SFMBT2: variants seen among roughly 807,000 people sequenced by gnomAD.
SFMBT2 encodes scm-like with four MBT domains protein 2.
A neutral mutation model predicts 110.1 loss-of-function variants in SFMBT2; 38 were observed. The observed-to-expected ratio is 0.35, with a 90% CI of 0.27 to 0.45. The LOEUF (loss-of-function observed/expected upper bound fraction) is 0.45, where lower values mean the gene tolerates loss of function less well. SFMBT2 is among the 20% of genes least tolerant of loss of function. The pLI is 1.00. For missense variants in SFMBT2, 1,011 were observed against 1,094.9 expected (o/e 0.92, Z 1.08); for synonymous variants, 425 against 425.4 (o/e 1.00, Z 0.01).
chr10:7,277,025 C>T, intron 6 of SFMBT2, 36 bp from the exon 7 acceptor site: 1 of 841,434 alleles, frequency 1.2e-6, no homozygotes. Context: ...AGTTGAAGGA[C>T]TAACACGTTC....
chr10:7,236,520 A>G (rs1588370564), intron 9 of SFMBT2, among the ~76,000 whole-genome samples: 1 of 152,374 alleles, frequency 6.6e-6, no homozygotes, highest in East Asian at 1.9e-4. Context: ...TGGTGGCATT[A>G]TAAATCAAAG....
intron 4 of SFMBT2, among the ~76,000 whole-genome samples, chr10:7,363,882 A>C: frequency 6.6e-6 from 1 of 152,160 alleles, no homozygotes; most frequent in African/African-American, 2.4e-5. Context: ...TCTCACCAAG[A>C]AGCCTCCCAA....
chr10:7,355,667 G>C (rs1335987055), intron 4 of SFMBT2, among the ~76,000 whole-genome samples: 1 of 152,144 alleles, frequency 6.6e-6, no homozygotes, highest in Non-Finnish European at 1.5e-5. Context: ...AAAAAAATTA[G>C]CTGGGCGTGG....
chr10:7,259,219 A>G (rs796543490), intron 7 of SFMBT2, among the ~76,000 whole-genome samples: 1 of 152,334 alleles, frequency 6.6e-6, no homozygotes, highest in African/African-American at 2.4e-5. Flanking sequence ...CCCTTCCCAG[A>G]CACCAACGTG....
Position 7,367,916 on chromosome 10 carries a change from C to T in SFMBT2, c.196-27G>A, listed in dbSNP as rs1240288922. 2.5e-6 allele frequency: 4 copies of T among 1,611,538 alleles called. No individual in the cohort carries two copies. Among genetic ancestry groups the T allele is most frequent in the Middle Eastern group, 1.7e-4 (1 of 5,900 alleles). ...TTAAGGAATCAGAAATAGAGAAAAC[C>T]CATTACTACACTAGACACAATACAT... On this transcript the variant is annotated intron_variant, in intron 3 of 20. Transcript: ENST00000397167. The surrounding 1 kb of genome is among the most constrained non-coding windows in gnomAD (Gnocchi z 6.2).
chr10:7,348,669 A>C (rs1328635567), intron 4 of SFMBT2, among the ~76,000 whole-genome samples: 2 of 152,238 alleles, frequency 1.3e-5, no homozygotes, highest in Non-Finnish European at 2.9e-5. Flanking sequence ...CTCATGTTGT[A>C]TAATCATTCT....
Position 7,220,354 on chromosome 10 carries a change from C to T in SFMBT2, c.1330+57G>A, listed in dbSNP as rs1588352320. 2.6e-6 allele frequency: 4 copies of T among 1,526,050 alleles called. No homozygotes were observed. The East Asian group carries it at 9.1e-5, about 35-fold the overall frequency. The allele number at this position is 1,526,050 out of a possible 1,614,324, so 94.5% of individuals were successfully genotyped here. On this transcript the variant is annotated intron_variant, in intron 11 of 20. Coordinates refer to ENST00000397167, the MANE Select transcript of SFMBT2 (RefSeq NM_001387889.1). ...AAGGGCTGCTTTCCTCCACACGTTG[C>T]CATTTCGACAAACTCTACATTCCCC...
At chr10:7,315,914 T>C (rs1217009648) in intron 4 of SFMBT2, among the ~76,000 whole-genome samples, 1 of 152,210 alleles carries the variant, frequency 6.6e-6, no homozygotes, top group Non-Finnish European at 1.5e-5. Context: ...TAATATTTGC[T>C]GTTATTAAGA....
In SFMBT2 at chr10:7,374,868, C is replaced by T. The variant is rs542639086; in HGVS notation, c.101-4493G>A. Among the ~76,000 whole-genome samples the T allele has an allele frequency of 6.0e-4, 91 of 152,320 alleles. No homozygotes were observed. The South Asian group carries it at 8.1e-3, about 14-fold the overall frequency. On this transcript the variant is annotated intron_variant, in intron 2 of 20. Transcript: ENST00000397167. ...GGTCACGTACAACCCTTCCCCAGGC[C>T]TATGTGCCCCAAGGAGCTGATTCTC...
chr10:7,283,121 C>T (rs1366875765), intron 6 of SFMBT2, among the ~76,000 whole-genome samples: 3 of 152,202 alleles, frequency 2.0e-5, no homozygotes, highest in Non-Finnish European at 4.4e-5. Context: ...TCACAACAAA[C>T]ATGCAGCATT....
intron 4 of SFMBT2, among the ~76,000 whole-genome samples, chr10:7,298,147 A>G (rs1255340523): frequency 6.6e-6 from 1 of 152,214 alleles, no homozygotes; most frequent in African/African-American, 2.4e-5. Context: ...TGGAATTCCA[A>G]GCAACTGGAG....
At position 7,301,699 on chromosome 10, in the gene SFMBT2, G is replaced by GT. The variant is rs1380790570; in HGVS notation, c.437-15746dup. Among the ~76,000 whole-genome samples, 1 of 152,266 alleles carries GT rather than the reference G, an allele frequency of 6.6e-6. No homozygotes were observed. The highest frequency in any genetic ancestry group is 2.1e-4 in the South Asian group (1 of 4,830). On this transcript the variant is annotated intron_variant, in intron 4 of 20. Coordinates refer to ENST00000397167, the MANE Select transcript of SFMBT2 (RefSeq NM_001387889.1). The surrounding 1 kb of genome is among the most constrained non-coding windows in gnomAD (Gnocchi z 4.2). ...TTACTATTCTGAAACGCAGAAACTG[G>GT]TATTTCTTGACATGGGCTCCCCAGA...
chr10:7,292,175 G>C (rs901239040), intron 4 of SFMBT2: 2 of 204,406 alleles, frequency 9.8e-6, no homozygotes, highest in African/African-American at 4.7e-5. Context: ...ACTCCTCCCA[G>C]CTCACAAGAG....
Position 7,234,409 on chromosome 10 carries a change from G to A in SFMBT2, c.1121-6472C>T, listed in dbSNP as rs866315183. ...TTCTGAATTATAAACACAATGTTACGGGACACAGGTATGTGCCCAGGATGG... is the reference window on the plus strand; with the variant it reads ...TTCTGAATTATAAACACAATGTTACAGGACACAGGTATGTGCCCAGGATGG... On this transcript the variant is annotated intron_variant, in intron 9 of 20. Transcript: ENST00000397167. Among the ~76,000 whole-genome samples the A allele has an allele frequency of 3.9e-5, 6 of 152,104 alleles. 1 individual carries two copies. The highest frequency in any genetic ancestry group is 4.2e-4 in the South Asian group (2 of 4,818).
At chr10:7,277,391 A>G (rs1841816346) in intron 6 of SFMBT2, 1 of 180,066 alleles carries the variant, frequency 5.6e-6, no homozygotes, top group South Asian at 2.1e-4. Context: ...CTAAACTACA[A>G]ACGACTCTAG....
intron 9 of SFMBT2, among the ~76,000 whole-genome samples, chr10:7,236,268 C>T (rs1840250801): frequency 6.6e-6 from 1 of 152,028 alleles, no homozygotes; most frequent in Non-Finnish European, 1.5e-5. Flanking sequence ...TGCCGAAATC[C>T]AATGGGACTC....
intron 4 of SFMBT2, among the ~76,000 whole-genome samples, chr10:7,297,064 A>G (rs996389020): frequency 1.3e-5 from 2 of 152,208 alleles, no homozygotes; most frequent in Non-Finnish European, 2.9e-5. Flanking sequence ...CACACATTCT[A>G]TTGGTTCTAC....
chr10:7,299,877 T>C (rs1259772617), intron 4 of SFMBT2, among the ~76,000 whole-genome samples: 1 of 152,156 alleles, frequency 6.6e-6, no homozygotes, highest in Non-Finnish European at 1.5e-5. Context: ...GTATTTACTA[T>C]AGCGAAGACA....
rs762936635 is a variant in SFMBT2, at chr10:7,276,893, T to G, written c.869A>C (p.Lys290Thr). 1.1e-6 allele frequency: 1 copy of G among 870,436 alleles called. No homozygotes were observed. Among genetic ancestry groups the G allele is most frequent in the South Asian group, 1.3e-5 (1 of 76,486 alleles). 53.9% of individuals were successfully genotyped at this position (870,436 alleles called of 1,614,324 possible). A position where few individuals can be genotyped will look rare whatever the true frequency, so the allele number is the denominator to read the frequency against. ...AKFPLPMEVF[K>T]DHADLRSHFF... ...CATTGCTAAGAATCAACATCTTACC[T>G]TAAACACTTCCATTGGAAGAGGAAA... The change falls in exon 7 of 21, where the codon AAG becomes ACG. Residue 290 changes from lysine (K) to threonine (T), a missense_variant and splice_region_variant. This residue lies in a region of SFMBT2 where 979 missense variants were observed against 1,016.1 expected (regional missense o/e 0.96). Coordinates refer to ENST00000397167, the MANE Select transcript of SFMBT2 (RefSeq NM_001387889.1).
Sources: allele counts gnomAD v4.1 joint callset (sites outside exome capture counted in the v4.1 genomes callset), GRCh38; gene constraint gnomAD v4.1.1; regional missense constraint gnomAD v4.1.1; non-coding constraint Gnocchi (gnomAD v3.1); transcripts MANE v1.5; gene names NCBI Gene and HGNC (gene_info 2026-07-23, HGNC 2026-07-21).